NRXN3: variants seen among roughly 807,000 people sequenced by gnomAD.
NRXN3 encodes the protein neurexin III.
Under a neutral mutation model 137.6 loss-of-function variants are expected in NRXN3, and 32 were observed. The ratio of observed to expected loss-of-function variants is 0.23; its 90% CI spans 0.18 to 0.31. The LOEUF is 0.31. Ranked by LOEUF, NRXN3 falls within the 10% of genes least tolerant of loss-of-function variation. The pLI, the probability that NRXN3 is intolerant of heterozygous loss-of-function variation, is 1.00. For missense variants in NRXN3, 1,574 were observed against 2,062.5 expected, an observed-to-expected ratio of 0.76 and a Z score of 4.59; for synonymous variants, 798 against 784.5, an observed-to-expected ratio of 1.02 and a Z score of -0.29.
intron 15 of NRXN3, among the ~76,000 whole-genome samples, chr14:79,085,699 C>T (rs774698429): frequency 2.0e-5 from 3 of 151,900 alleles, no homozygotes; most frequent in Non-Finnish European, 2.9e-5. Context: ...GGGAATGATA[C>T]GTAGAATTAG....
chr14:79,844,040 G>A (rs927993332), intron 20 of NRXN3, among the ~76,000 whole-genome samples: 2 of 151,978 alleles, frequency 1.3e-5, no homozygotes, highest in African/African-American at 2.4e-5. Context: ...AGTATAAATG[G>A]CCTCGCACTC....
intron 4 of NRXN3, among the ~76,000 whole-genome samples, chr14:78,389,431 C>T (rs971994989): frequency 3.2e-4 from 48 of 152,094 alleles, no homozygotes; most frequent in African/African-American, 1.1e-3. Flanking sequence ...ACCTGCAGAG[C>T]GTGAAAGCCA....
At chr14:79,295,542 A>G (rs1464944111) in intron 15 of NRXN3, among the ~76,000 whole-genome samples, 1 of 152,126 alleles carries the variant, frequency 6.6e-6, no homozygotes, top group Non-Finnish European at 1.5e-5. Flanking sequence ...AAGTTCTGAG[A>G]GCAGAGACCT....
chr14:79,684,571 G>C (rs181824473), intron 17 of NRXN3, among the ~76,000 whole-genome samples: 2 of 152,070 alleles, frequency 1.3e-5, no homozygotes, highest in Non-Finnish European at 2.9e-5. Flanking sequence ...CTTGAGCATC[G>C]GAGATATTAA....
intron 4 of NRXN3, among the ~76,000 whole-genome samples, chr14:78,560,817 G>T (rs771805290): frequency 5.9e-5 from 9 of 152,184 alleles, no homozygotes; most frequent in Non-Finnish European, 1.3e-4. Flanking sequence ...ATAATCATTG[G>T]TTCTTGCTGG....
intron 14 of NRXN3, among the ~76,000 whole-genome samples, chr14:78,969,565 G>T (rs749423653): frequency 6.6e-6 from 1 of 152,038 alleles, no homozygotes; most frequent in South Asian, 2.1e-4. Context: ...TCAACTTCAT[G>T]TATCGCTTCT....
chr14:79,410,665 TA>T (rs2095404469), intron 15 of NRXN3, among the ~76,000 whole-genome samples: 1 of 152,136 alleles, frequency 6.6e-6, no homozygotes, highest in Admixed American at 6.6e-5. Context: ...AAGTGGAAAC[TA>T]AATAGCCTTT....
At chr14:79,767,761 G>A (rs1162630281) in intron 19 of NRXN3, among the ~76,000 whole-genome samples, 1 of 152,196 alleles carries the variant, frequency 6.6e-6, no homozygotes, top group Non-Finnish European at 1.5e-5. Context: ...GAAATCAGGG[G>A]GGAGGAGCCA....
intron 4 of NRXN3, among the ~76,000 whole-genome samples, chr14:78,557,176 C>T (rs1426796964): frequency 6.6e-6 from 1 of 150,420 alleles, no homozygotes; most frequent in African/African-American, 2.5e-5. Context: ...TCCTGAGTAG[C>T]TAGGACCACA....
intron 3 of NRXN3, among the ~76,000 whole-genome samples, chr14:78,294,090 G>A (rs974578254): frequency 1.1e-4 from 17 of 152,114 alleles, no homozygotes; most frequent in African/African-American, 4.1e-4. Flanking sequence ...GTCCCTACTG[G>A]TCTTATTGTC....
intron 19 of NRXN3, among the ~76,000 whole-genome samples, chr14:79,773,181 G>A (rs2099084807): frequency 6.6e-6 from 1 of 152,164 alleles, no homozygotes; most frequent in African/African-American, 2.4e-5. Context: ...CTGTTGGTGG[G>A]ACTGTAAACT....
chr14:79,018,377 A>T (rs540944448), intron 15 of NRXN3, among the ~76,000 whole-genome samples: 32 of 151,812 alleles, frequency 2.1e-4, no homozygotes, highest in Non-Finnish European at 3.7e-4. Flanking sequence ...TTTGATGGGA[A>T]AACTGGGTTT....
At chr14:79,612,975 A>C (rs2098120017) in intron 16 of NRXN3, among the ~76,000 whole-genome samples, 2 of 152,256 alleles carry the variant, frequency 1.3e-5, no homozygotes, top group Non-Finnish European at 2.9e-5. Context: ...TCTAACAGTC[A>C]AGCTGGTATG....
intron 4 of NRXN3, among the ~76,000 whole-genome samples, chr14:78,317,079 A>T (rs2078791720): frequency 6.6e-6 from 1 of 152,224 alleles, no homozygotes; most frequent in African/African-American, 2.4e-5. Flanking sequence ...AGAGGAAGCC[A>T]GTGGTATAGT....
At chr14:78,821,027 A>G (rs968331762) in intron 10 of NRXN3, among the ~76,000 whole-genome samples, 10 of 152,120 alleles carry the variant, frequency 6.6e-5, no homozygotes, top group African/African-American at 2.4e-4. Context: ...GAACCTTTAT[A>G]AATTTAGTTT....
intron 10 of NRXN3, among the ~76,000 whole-genome samples, chr14:78,855,792 T>G (rs1222909862): frequency 6.6e-6 from 1 of 152,206 alleles, no homozygotes; most frequent in Non-Finnish European, 1.5e-5. Flanking sequence ...ATATACAGAT[T>G]TTTCTTATTA....
chr14:79,413,883 CAAAAAAAAAAAA>C (rs372803175), intron 15 of NRXN3, among the ~76,000 whole-genome samples: 3 of 76,324 alleles, frequency 3.9e-5, no homozygotes, highest in Non-Finnish European at 6.8e-5. Context: ...ATGTGGTTCT[CAAAAAAAAAAAA>C]AAAAAAAAAA....
At chr14:79,756,030 ATCTT>A (rs2099018333) in intron 19 of NRXN3, among the ~76,000 whole-genome samples, 1 of 152,094 alleles carries the variant, frequency 6.6e-6, no homozygotes, top group African/African-American at 2.4e-5. Flanking sequence ...TCTTACCTCT[ATCTT>A]TATTTTGGTA....
At chr14:79,737,126 G>A (rs2098944671) in intron 19 of NRXN3, among the ~76,000 whole-genome samples, 1 of 152,178 alleles carries the variant, frequency 6.6e-6, no homozygotes, top group Non-Finnish European at 1.5e-5. Flanking sequence ...CAAAGACAAA[G>A]TATAGAACCC....
Sources: gnomAD v4.1 joint callset for allele counts (sites outside exome capture counted in the v4.1 genomes callset) on GRCh38, gnomAD v4.1.1 for gene constraint, MANE v1.5 for transcripts, NCBI Gene and HGNC (gene_info 2026-07-23, HGNC 2026-07-21) for gene names.